FBXO27: variants seen among roughly 807,000 people sequenced by gnomAD.
FBXO27 encodes F-box protein 27.
In FBXO27, 28 loss-of-function variants were observed where a neutral mutation model predicts 28.3. The ratio of observed to expected loss-of-function variants is 0.99; its 90% CI spans 0.73 to 1.36. The LOEUF is 1.36. FBXO27 is among the 40% of genes most tolerant of loss of function. The probability of loss-of-function intolerance (pLI) is 0.00; values close to 1 mark genes in which losing one functional copy is unlikely to be tolerated. For missense variants in FBXO27, 388 were observed against 394.1 expected, an observed-to-expected ratio of 0.98 and a Z score of 0.13; for synonymous variants, 175 against 167.3, an observed-to-expected ratio of 1.05 and a Z score of -0.36.
chr19:39,012,998 A>G (rs2072803292), intron 2 of FBXO27, among the ~76,000 whole-genome samples: 1 of 151,974 alleles, frequency 6.6e-6, no homozygotes, highest in East Asian at 1.9e-4. Context: ...CAAACAAACA[A>G]CAGAAATCCT....
chr19:39,015,194 T>C (rs191286289), intron 1 of FBXO27, among the ~76,000 whole-genome samples: 446 of 150,446 alleles, frequency 3.0e-3, no homozygotes, highest in Admixed American at 5.2e-3. Context: ...TGGTGTGCCC[T>C]TGTGGTCTCA....
intron 2 of FBXO27, 105 bp downstream of exon 2, chr19:39,031,759 C>A: frequency 8.2e-7 from 1 of 1,214,546 alleles, no homozygotes; most frequent in Non-Finnish European, 1.0e-6. Flanking sequence ...TGCGGCCCTG[C>A]CCCTGCGGCC....
Position 39,032,536 on chromosome 19 carries a change from C to T in FBXO27, c.-60G>A. On this transcript the variant is annotated 5_prime_UTR_variant, in exon 1 of 6. Coordinates refer to ENST00000292853, the MANE Select transcript of FBXO27 (RefSeq NM_178820.5). This position sits in a 1 kb window ranked among gnomAD's most constrained non-coding sequence, Gnocchi z 4.7. ...CTGGCGGCGCTCCTCGCCGGGATGC[C>T]CTAGCTGTGCCGCAAGCTCCCCACG... The T allele has an allele frequency of 3.1e-6, 1 of 327,542 alleles. No homozygotes were observed. Among genetic ancestry groups the T allele is most frequent in the Non-Finnish European group, 5.6e-6 (1 of 179,568 alleles). 20.3% of individuals were successfully genotyped at this position (327,542 alleles called of 1,614,324 possible). A position where few individuals can be genotyped will look rare whatever the true frequency, so the allele number is the denominator to read the frequency against.
chr19:39,025,781 G>A (rs968667788), intron 5 of FBXO27, among the ~76,000 whole-genome samples: 3 of 152,144 alleles, frequency 2.0e-5, no homozygotes, highest in Non-Finnish European at 4.4e-5. Flanking sequence ...TTGGGAGGCC[G>A]AGGCAGGTGG....
intron 2 of FBXO27, among the ~76,000 whole-genome samples, chr19:39,012,589 C>T (rs535584903): frequency 6.6e-6 from 1 of 151,952 alleles, no homozygotes; most frequent in African/African-American, 2.4e-5. Flanking sequence ...ACTAGAAACA[C>T]ACATCACATC....
At chr19:39,012,324 A>G (rs1213833265) in intron 2 of FBXO27, among the ~76,000 whole-genome samples, 1 of 151,400 alleles carries the variant, frequency 6.6e-6, no homozygotes, top group Non-Finnish European at 1.5e-5. Flanking sequence ...AGCTGCGATT[A>G]CAGGCATGGG....
intron 2 of FBXO27, among the ~76,000 whole-genome samples, chr19:39,007,080 AC>A (rs1975740945): frequency 3.6e-5 from 5 of 138,566 alleles, no homozygotes; most frequent in African/African-American, 9.1e-5. Context: ...AAAAAAAAAT[AC>A]AGAAAAGTAC....
chr19:39,022,681 A>C (rs1016845999), downstream of FBXO27, among the ~76,000 whole-genome samples: 1 of 151,984 alleles, frequency 6.6e-6, no homozygotes, highest in Non-Finnish European at 1.5e-5. Flanking sequence ...CAGTGGAGCG[A>C]TCTTGGATCA....
chr19:39,017,365 G>A (rs1200469388), intron 1 of FBXO27, among the ~76,000 whole-genome samples: 1 of 152,126 alleles, frequency 6.6e-6, no homozygotes, highest in East Asian at 1.9e-4. Flanking sequence ...ATAGTGTATA[G>A]TGCAAGCATA....
At chr19:39,020,793 A>C (rs1297614853), downstream of FBXO27, among the ~76,000 whole-genome samples, 1 of 141,714 alleles carries the variant, frequency 7.1e-6, no homozygotes, top group African/African-American at 2.6e-5. Flanking sequence ...GAAGGGTTTC[A>C]AGCCATGGAT....
chr19:39,019,418 C>G (rs2072834557), downstream of FBXO27, among the ~76,000 whole-genome samples: 1 of 85,258 alleles, frequency 1.2e-5, no homozygotes, highest in Non-Finnish European at 2.1e-5. Context: ...GAGTGAGACT[C>G]TGTCTCAAAA....
In FBXO27 at chr19:39,031,923, C is replaced by T; in HGVS notation, c.305G>A (p.Gly102Asp). Residue 102 changes from glycine to aspartate, a missense_variant, in exon 2 of 6, where the codon GGC becomes GAC. Physicochemically the swap from Gly to Asp is moderately conservative, Grantham distance 94. Transcript: ENST00000292853. ...GATGGGTCTGCGCGCGCAGAAGCGG[C>T]CCAGGGGGCAAGGCCTGGCGTTACG... ...PARNARPCPL[G>D]RFCARRPIGR... is the part of the protein sequence containing the mutation. 6.6e-7 allele frequency: 1 copy of T among 1,510,964 alleles called. No individual in the cohort carries two copies. The highest frequency in any genetic ancestry group is 8.8e-7 in the Non-Finnish European group (1 of 1,141,534). 93.6% of individuals were successfully genotyped at this position (1,510,964 alleles called of 1,614,324 possible).
At chr19:39,011,699 AGGGGG>A (rs1045189775) in intron 2 of FBXO27, among the ~76,000 whole-genome samples, 6 of 8,070 alleles carry the variant, frequency 7.4e-4, no homozygotes, top group Admixed American at 3.5e-3. Context: ...GCGGCGGGGG[AGGGGG>A]GGTCTCCCTT....
intron 2 of FBXO27, among the ~76,000 whole-genome samples, chr19:39,011,414 A>G (rs1268253): frequency 0.045 from 6,815 of 152,290 alleles, 369 homozygotes; most frequent in African/African-American, 0.13. Flanking sequence ...CCTGGGCAAC[A>G]GAGCGAAACT....
intron 4 of FBXO27, among the ~76,000 whole-genome samples, chr19:39,029,998 C>T (rs920915100): frequency 9.2e-5 from 14 of 152,130 alleles, no homozygotes; most frequent in Non-Finnish European, 1.9e-4. Flanking sequence ...CTTACCATGA[C>T]GCCCAGCTAA....
At chr19:39,022,315 AT>A (rs2144893569), downstream of FBXO27, among the ~76,000 whole-genome samples, 1 of 150,794 alleles carries the variant, frequency 6.6e-6, no homozygotes, top group East Asian at 2.0e-4. Context: ...AATTTTTTAA[AT>A]TTTTTTGTAG....
chr19:39,008,448 A>G (rs922248658), intron 2 of FBXO27, among the ~76,000 whole-genome samples: 8 of 152,116 alleles, frequency 5.3e-5, no homozygotes, highest in Admixed American at 2.6e-4. Flanking sequence ...CAAAATCAGT[A>G]TGTCTCATTC....
At chr19:39,027,063 G>A in intron 4 of FBXO27, 58 bp from the exon 5 acceptor site, 1 of 1,603,938 alleles carries the variant, frequency 6.2e-7, no homozygotes, top group South Asian at 1.1e-5. Flanking sequence ...TTGGGTGTCT[G>A]CCTACCTTGT....
intron 2 of FBXO27, among the ~76,000 whole-genome samples, chr19:39,009,472 T>C (rs899907543): frequency 5.9e-5 from 9 of 152,196 alleles, no homozygotes; most frequent in African/African-American, 2.2e-4. Flanking sequence ...TTTTTTCTTT[T>C]TGCTCATATT....
Sources: gnomAD v4.1 joint callset for allele counts (sites outside exome capture counted in the v4.1 genomes callset) on GRCh38, gnomAD v4.1.1 for gene constraint, Gnocchi (gnomAD v3.1) non-coding constraint, MANE v1.5 for transcripts, NCBI Gene and HGNC (gene_info 2026-07-23, HGNC 2026-07-21) for gene names.